EBF2: variants seen among roughly 807,000 people sequenced by gnomAD.
EBF2 encodes EBF transcription factor 2.
EBF2 carries 21 observed loss-of-function variants against 72.8 expected under a neutral mutation model. The observed-to-expected ratio is 0.29, with a 90% CI of 0.20 to 0.42. The LOEUF (loss-of-function observed/expected upper bound fraction) is 0.42. Ranked by LOEUF, EBF2 falls within the 10% of genes least tolerant of loss-of-function variation. The pLI is 1.00. For synonymous variants in EBF2, 299 were observed against 274.2 expected (o/e 1.09, Z -0.89); for missense variants, 637 against 731.2 (o/e 0.87, Z 1.49).
At chr8:26,038,377 A>G (rs1276978463) in intron 5 of EBF2, among the ~76,000 whole-genome samples, 1 of 152,218 alleles carries the variant, frequency 6.6e-6, no homozygotes, top group Admixed American at 6.5e-5. Context: ...TTAAAAATTG[A>G]TGCTGCTACT....
intron 7 of EBF2, among the ~76,000 whole-genome samples, chr8:25,901,726 C>T (rs1802956864): frequency 6.6e-6 from 1 of 152,170 alleles, no homozygotes; most frequent in Admixed American, 6.5e-5. Context: ...CTTACTGTTA[C>T]TATAATGGTG....
chr8:25,939,221 A>G (rs537235033), intron 6 of EBF2, among the ~76,000 whole-genome samples: 3 of 152,240 alleles, frequency 2.0e-5, no homozygotes, highest in South Asian at 4.1e-4. Flanking sequence ...ACATCACTAG[A>G]TTTACTTGAG....
At chr8:26,005,742 G>T (rs1425798524) in intron 6 of EBF2, among the ~76,000 whole-genome samples, 2 of 147,058 alleles carry the variant, frequency 1.4e-5, no homozygotes, top group Admixed American at 1.4e-4. Flanking sequence ...GAGGTAGGAA[G>T]ATCACTTGAG....
chr8:26,034,134 C>T (rs1369636103), intron 5 of EBF2, among the ~76,000 whole-genome samples: 1 of 152,208 alleles, frequency 6.6e-6, no homozygotes, highest in Admixed American at 6.5e-5. Context: ...ACCTTATTTA[C>T]ATAACATCTT....
chr8:25,987,021 C>G (rs1490913075), intron 6 of EBF2, among the ~76,000 whole-genome samples: 1 of 150,884 alleles, frequency 6.6e-6, no homozygotes, highest in East Asian at 1.9e-4. Context: ...AACCCCAAAG[C>G]CACTGGTCTA....
intron 6 of EBF2, among the ~76,000 whole-genome samples, chr8:25,940,232 T>C (rs1436260875): frequency 6.6e-6 from 1 of 152,208 alleles, no homozygotes; most frequent in East Asian, 1.9e-4. Flanking sequence ...TGACTTATGT[T>C]TGAAGAGTAT....
intron 6 of EBF2, among the ~76,000 whole-genome samples, chr8:25,985,426 G>C (rs1439864026): frequency 1.3e-5 from 2 of 152,176 alleles, no homozygotes; most frequent in African/African-American, 4.8e-5. Flanking sequence ...GGTTTCCAGA[G>C]TCAGCCTCGC....
chr8:26,024,237 C>T (rs1277837739), intron 6 of EBF2, among the ~76,000 whole-genome samples: 1 of 152,190 alleles, frequency 6.6e-6, no homozygotes, highest in Non-Finnish European at 1.5e-5. Flanking sequence ...CCACCTATCT[C>T]TGCCATGATG....
chr8:25,920,588 G>A (rs963058176), intron 6 of EBF2, among the ~76,000 whole-genome samples: 1 of 152,192 alleles, frequency 6.6e-6, no homozygotes, highest in Admixed American at 6.5e-5. Context: ...TGTGACCCAC[G>A]CAGAGTTAGT....
At chr8:25,901,230 T>C (rs1460734522) in intron 7 of EBF2, among the ~76,000 whole-genome samples, 2 of 152,028 alleles carry the variant, frequency 1.3e-5, no homozygotes, top group Admixed American at 6.5e-5. Context: ...AAGACCAGCC[T>C]GGGCAATGTG....
At chr8:25,959,044 G>A (rs895728194) in intron 6 of EBF2, among the ~76,000 whole-genome samples, 1 of 152,200 alleles carries the variant, frequency 6.6e-6, no homozygotes, top group African/African-American at 2.4e-5. Context: ...CAATGATGCA[G>A]ACCCCGAGGG....
chr8:25,925,635 G>T (rs1321776611), intron 6 of EBF2, among the ~76,000 whole-genome samples: 2 of 152,154 alleles, frequency 1.3e-5, no homozygotes, highest in African/African-American at 4.8e-5. Flanking sequence ...ATGTGTGTGT[G>T]TCAAAGCCAG....
chr8:25,894,753 A>G (rs1802839719), intron 7 of EBF2, among the ~76,000 whole-genome samples: 3 of 152,236 alleles, frequency 2.0e-5, no homozygotes, highest in Non-Finnish European at 2.9e-5. Flanking sequence ...AACTATTTGT[A>G]TGCATCTCTG....
intron 5 of EBF2, among the ~76,000 whole-genome samples, chr8:26,034,487 A>G (rs1805464018): frequency 1.3e-5 from 2 of 152,220 alleles, no homozygotes; most frequent in South Asian, 4.1e-4. Context: ...AGTACTCCCT[A>G]GGACCTGAGA....
intron 6 of EBF2, among the ~76,000 whole-genome samples, chr8:25,933,739 T>C (rs1803521402): frequency 6.6e-6 from 1 of 152,162 alleles, no homozygotes; most frequent in Non-Finnish European, 1.5e-5. Context: ...ATTATTTAAA[T>C]TATGTTATAG....
At chr8:26,022,245 A>C (rs1226272267) in intron 6 of EBF2, among the ~76,000 whole-genome samples, 1 of 152,218 alleles carries the variant, frequency 6.6e-6, no homozygotes, top group African/African-American at 2.4e-5. Context: ...GGCCAGCTAC[A>C]CAGCTCCCAA....
intron 6 of EBF2, among the ~76,000 whole-genome samples, chr8:25,953,007 A>G (rs1369378768): frequency 6.6e-6 from 1 of 152,232 alleles, no homozygotes; most frequent in Non-Finnish European, 1.5e-5. Context: ...AAAACAAACA[A>G]ACTTCACAGA....
chr8:25,854,660 C>CT (rs536680537), intron 14 of EBF2, among the ~76,000 whole-genome samples: 38 of 151,208 alleles, frequency 2.5e-4, no homozygotes, highest in East Asian at 5.8e-4. Flanking sequence ...TTTTAATAGG[C>CT]TTTTTTTTTC....
At chr8:25,851,787 C>CAAAGT (rs2117249127) in intron 14 of EBF2, among the ~76,000 whole-genome samples, 1 of 152,268 alleles carries the variant, frequency 6.6e-6, no homozygotes, top group East Asian at 1.9e-4. Context: ...ACCTGTCCTT[C>CAAAGT]AAAGTAAATT....
Sources: allele counts gnomAD v4.1 joint callset (sites outside exome capture counted in the v4.1 genomes callset), GRCh38; gene constraint gnomAD v4.1.1; transcripts MANE v1.5; gene names NCBI Gene and HGNC (gene_info 2026-07-23, HGNC 2026-07-21).